Variants in PHKG1 observed in about 807,000 individuals in gnomAD.
PHKG1 encodes phosphorylase b kinase gamma catalytic chain, skeletal muscle/heart isoform.
Under a neutral mutation model 50.5 loss-of-function variants are expected in PHKG1, and 48 were observed. The observed-to-expected ratio is 0.95, with a 90% CI of 0.75 to 1.21. PHKG1 has a LOEUF of 1.21. Ranked by LOEUF, PHKG1 falls within the 50% of genes most tolerant of loss-of-function variation. The pLI is 0.00. For missense variants in PHKG1, 487 were observed against 519.5 expected (o/e 0.94, Z 0.61); for synonymous variants, 204 against 212.8 (o/e 0.96, Z 0.36).
intron 4 of PHKG1, 100 bp downstream of exon 4, chr7:56,086,870 G>C: frequency 1.1e-6 from 1 of 890,570 alleles, no homozygotes; most frequent in South Asian, 1.3e-5. Flanking sequence ...CATCCTCAGC[G>C]CAGGAGCTGG....
At chr7:56,090,861 C>G (rs1237167117) in intron 1 of PHKG1, among the ~76,000 whole-genome samples, 3 of 152,132 alleles carry the variant, frequency 2.0e-5, no homozygotes, top group African/African-American at 7.2e-5. Flanking sequence ...GCTGAGCTAC[C>G]CCGCTTTGTG....
chr7:56,085,152 G>T (rs960917945), intron 4 of PHKG1, among the ~76,000 whole-genome samples: 1 of 151,760 alleles, frequency 6.6e-6, no homozygotes, highest in South Asian at 2.1e-4. Flanking sequence ...GTAGAGATGG[G>T]GTTTTGCCAT....
In PHKG1 at chr7:56,081,746, A is replaced by G; in HGVS notation, c.802T>C (p.Phe268Leu). 6.2e-7 allele frequency: 1 copy of G among 1,613,530 alleles called. No individual in the cohort carries two copies. Among genetic ancestry groups the G allele is most frequent in the Non-Finnish European group, 8.5e-7 (1 of 1,179,672 alleles). Residue 268 changes from phenylalanine to leucine, a missense_variant, in exon 9 of 10, where the codon TTC becomes CTC. Phe to Leu is a conservative substitution (Grantham distance 22). Coordinates refer to ENST00000297373, the MANE Select transcript of PHKG1 (RefSeq NM_006213.5). This position sits in a 1 kb window ranked among gnomAD's most constrained non-coding sequence, Gnocchi z 4.6. ...CGGTTCTGGGGTTGCACCACCAGGA[A>G]TCGGGAGACCTGTGAGAGGAGGAGA... ...SDTVKDLVSR[F>L]LVVQPQNRYT... is the part of the protein sequence containing the mutation.
intron 5 of PHKG1, 32 bp from the exon 6 acceptor site, chr7:56,083,473 T>A (rs758993029): frequency 6.2e-7 from 1 of 1,611,760 alleles, no homozygotes; most frequent in Non-Finnish European, 8.5e-7. Flanking sequence ...TTACTCTTCC[T>A]CTGCTCAGGG....
In PHKG1 at chr7:56,088,905, C is replaced by A. The variant is rs141311286; in HGVS notation, c.37G>T (p.Ala13Ser). ...RDEALPDSHS[A>S]QDFYENYEPK... Reference sequence around the variant, plus strand: ...TCATAATTCTCATAGAAGTCCTGTGCAGAATGAGAGTCCGGCAGTGCCTCG... The same window carrying A: ...TCATAATTCTCATAGAAGTCCTGTGAAGAATGAGAGTCCGGCAGTGCCTCG... Residue 13 changes from alanine to serine, a missense_variant, in exon 2 of 10, where the codon GCA (alanine) becomes TCA (serine). Ala to Ser is a moderately conservative substitution (Grantham distance 99, BLOSUM62 1). Coordinates refer to ENST00000297373, the MANE Select transcript of PHKG1 (RefSeq NM_006213.5). 6 of 1,613,636 alleles carry A rather than the reference C, an allele frequency of 3.7e-6. No homozygotes were observed. The highest frequency in any genetic ancestry group is 5.1e-6 in the Non-Finnish European group (6 of 1,179,812).
Position 56,081,252 on chromosome 7 carries a change from G to C in PHKG1, c.966C>G (p.Tyr322Ter). The C allele has an allele frequency of 6.2e-7, 1 of 1,613,068 alleles. No individual in the cohort carries two copies. The highest frequency in any genetic ancestry group is 1.1e-5 in the South Asian group (1 of 91,074). The change falls in exon 10 of 10, where the codon TAC becomes TAG. Residue 322 changes from tyrosine to a stop codon, truncating the protein, a stop_gained. Coordinates refer to ENST00000297373, the MANE Select transcript of PHKG1 (RefSeq NM_006213.5). LOFTEE classifies it high-confidence loss of function. The surrounding 1 kb of genome is among the most constrained non-coding windows in gnomAD (Gnocchi z 4.6). ...CCCGGGTCACAGGCTTCACCCGGCGGTACTGGTAGTAGATCCGCACTGAAG... is the reference window on the plus strand; with the variant it reads ...CCCGGGTCACAGGCTTCACCCGGCGCTACTGGTAGTAGATCCGCACTGAAG... The part of the protein sequence containing the change: ...VLASVRIYYQ[Y>*]RRVKPVTREI...
At position 56,088,959 on chromosome 7, in the gene PHKG1, G is replaced by A. The variant is rs1232581780; in HGVS notation, c.-18C>T. On this transcript the variant is annotated 5_prime_UTR_variant, in exon 2 of 10. Transcript: ENST00000297373. ...CGGGTCATGCTCAGATCTTCAGTGA[G>A]GGAACTCTGGGTGGCTCTGAGAGGG... is the stretch of plus-strand genomic sequence containing the variant. 9 of 1,582,188 alleles carry A rather than the reference G, an allele frequency of 5.7e-6. No individual in the cohort carries two copies. The highest frequency in any genetic ancestry group is 7.8e-6 in the Non-Finnish European group (9 of 1,151,674).
At chr7:56,083,174 C>A in intron 6 of PHKG1, 104 bp downstream of exon 6, 4 of 982,528 alleles carry the variant, frequency 4.1e-6, no homozygotes, top group South Asian at 3.6e-5. Context: ...ATTTTTATTC[C>A]AGGGAACAAT....
At position 56,080,602 on chromosome 7, in the gene PHKG1, A is replaced by C; in HGVS notation, c.*452T>G. The C allele has an allele frequency of 5.1e-6, 1 of 194,192 alleles. No homozygotes were observed. The highest frequency in any genetic ancestry group is 9.8e-5 in the South Asian group (1 of 10,210). The allele number at this position is 194,192 out of a possible 1,614,324, so 12.0% of individuals were successfully genotyped here. ...TGCCTCCAAAAACATGTCCCTGGAG[A>C]GTAGCCTGCTCCCACACTGTCACTG... is the stretch of plus-strand genomic sequence containing the variant. On this transcript the variant is annotated 3_prime_UTR_variant, in exon 10 of 10. Coordinates refer to ENST00000297373, the MANE Select transcript of PHKG1 (RefSeq NM_006213.5).
In PHKG1 at chr7:56,087,033, G is replaced by A; in HGVS notation, c.263-9C>T. ...AGTGTCCTTCAGCTGTACTGAAATG[G>A]AAATGGCTAGCTTGTCTCAAGTAGC... is the stretch of plus-strand genomic sequence containing the variant. On this transcript the variant is annotated splice_polypyrimidine_tract_variant and intron_variant, in intron 3 of 9. Transcript: ENST00000297373. 1.2e-6 allele frequency: 2 copies of A among 1,611,852 alleles called. No individual in the cohort carries two copies. The highest frequency in any genetic ancestry group is 1.7e-6 in the Non-Finnish European group (2 of 1,178,408).
Position 56,083,719 on chromosome 7 carries a change from T to C in PHKG1, c.318-4A>G. 1 of 1,570,130 alleles carries C rather than the reference T, an allele frequency of 6.4e-7. No individual in the cohort carries two copies. Among genetic ancestry groups the C allele is most frequent in the Non-Finnish European group, 8.7e-7 (1 of 1,153,442 alleles). On this transcript the variant is annotated splice_polypyrimidine_tract_variant and splice_region_variant and intron_variant, in intron 4 of 9. Transcript: ENST00000297373. ...AAAGAGCTCCCCTCTCTTCATCCTG[T>C]GGAAACAGAGGGTTGATAGCTGGAT...
At chr7:56,083,568 G>A (rs1584623074) in intron 5 of PHKG1, 82 bp downstream of exon 5, 4 of 1,487,858 alleles carry the variant, frequency 2.7e-6, no homozygotes, top group Non-Finnish European at 3.7e-6. Context: ...ACATGTGCAC[G>A]CCCTGCCTCC....
In PHKG1 at chr7:56,087,801, C is replaced by A. The variant is rs750397395; in HGVS notation, c.84-25G>T. 4 of 1,593,348 alleles carry A rather than the reference C, an allele frequency of 2.5e-6. No homozygotes were observed. The South Asian group carries it at 4.4e-5, about 18-fold the overall frequency. ...CCTGGGAGTGCAGAGGACAGATGGC[C>A]TCGGGGGGCCCCTCACCCCATGGGG... On this transcript the variant is annotated intron_variant, in intron 2 of 9. Transcript: ENST00000297373.
intron 2 of PHKG1, 97 bp from the exon 3 acceptor site, chr7:56,087,873 G>A: frequency 1.1e-6 from 1 of 936,444 alleles, no homozygotes. Flanking sequence ...CCTTGACAGA[G>A]ATTTACACTT....
intron 4 of PHKG1, among the ~76,000 whole-genome samples, chr7:56,084,410 A>G (rs1796163512): frequency 7.3e-6 from 1 of 137,392 alleles, no homozygotes; most frequent in African/African-American, 2.8e-5. Flanking sequence ...GTTTTTGCTC[A>G]TCACCCAGGC....
chr7:56,086,479 TTTTTG>T (rs999257420), intron 4 of PHKG1, among the ~76,000 whole-genome samples: 1 of 152,008 alleles, frequency 6.6e-6, no homozygotes, highest in Non-Finnish European at 1.5e-5. Flanking sequence ...TTTGGGGTTT[TTTTTG>T]TTTTGTTTTG....
chr7:56,081,410 G>T lies in PHKG1; in HGVS notation c.919-111C>A, dbSNP rs1257451652. On this transcript the variant is annotated intron_variant, in intron 9 of 9. Coordinates refer to ENST00000297373, the MANE Select transcript of PHKG1 (RefSeq NM_006213.5). This position sits in a 1 kb window ranked among gnomAD's most constrained non-coding sequence, Gnocchi z 4.6. Reference sequence around the variant, plus strand: ...TGCCACGAAGCCTTGGGTGGCTTCTGCGGGGCCTTCCTAGTGTCCCCCACT... The same window carrying T: ...TGCCACGAAGCCTTGGGTGGCTTCTTCGGGGCCTTCCTAGTGTCCCCCACT... 1 of 1,399,592 alleles carries T rather than the reference G, an allele frequency of 7.1e-7. No homozygotes were observed. The highest frequency in any genetic ancestry group is 9.6e-7 in the Non-Finnish European group (1 of 1,046,690). The allele number at this position is 1,399,592 out of a possible 1,614,324, so 86.7% of individuals were successfully genotyped here. A position where few individuals can be genotyped will look rare whatever the true frequency, so the allele number is the denominator to read the frequency against.
At position 56,087,699 on chromosome 7, in the gene PHKG1, G is replaced by A. The variant is rs753691031; in HGVS notation, c.161C>T (p.Thr54Ile). ...CTCCGGGCTGAAGCTGCCTCCACCG[G>A]TGACGTCGATGACCTTCACGGCGTA... ...QEYAVKVIDV[T>I]GGGSFSPEEV... Residue 54 changes from threonine to isoleucine, a missense_variant, in exon 3 of 10, where the codon ACC becomes ATC. Transcript: ENST00000297373. 1.9e-6 allele frequency: 3 copies of A among 1,613,860 alleles called. No individual in the cohort carries two copies. The highest frequency in any genetic ancestry group is 1.7e-5 in the Admixed American group (1 of 59,990).
At position 56,082,151 on chromosome 7, in the gene PHKG1, C is replaced by T. The variant is rs755807991; in HGVS notation, c.638+12G>A. On this transcript the variant is annotated intron_variant, in intron 7 of 9. Transcript: ENST00000297373. ...GCCTAGCTGGGTGCTCCTCCTTTCCCGGCGCACTCACATGTCCACCTCTTT... is the reference window on the plus strand; with the variant it reads ...GCCTAGCTGGGTGCTCCTCCTTTCCTGGCGCACTCACATGTCCACCTCTTT... 2.2e-5 allele frequency: 35 copies of T among 1,612,898 alleles called. 2 individuals carry two copies. Among genetic ancestry groups the T allele is most frequent in the South Asian group, 2.1e-4 (19 of 91,006 alleles).
Sources: gnomAD v4.1 joint callset for allele counts (sites outside exome capture counted in the v4.1 genomes callset) on GRCh38, gnomAD v4.1.1 for gene constraint, Gnocchi (gnomAD v3.1) non-coding constraint, MANE v1.5 for transcripts, NCBI Gene and HGNC (gene_info 2026-07-23, HGNC 2026-07-21) for gene names.